APAF1: variants seen among roughly 807,000 people sequenced by gnomAD.
The protein encoded by APAF1 is apoptotic protease-activating factor 1.
A neutral mutation model predicts 152.4 loss-of-function variants in APAF1; 91 were observed. The observed-to-expected ratio is 0.60, with a 90% CI of 0.50 to 0.71. APAF1 has a LOEUF of 0.71. Ranked by LOEUF, APAF1 falls within the 30% of genes least tolerant of loss-of-function variation. The pLI is 0.00. For synonymous variants in APAF1, 484 were observed against 494.1 expected, an observed-to-expected ratio of 0.98 and a Z score of 0.27; for missense variants, 1,283 against 1,472.0, an observed-to-expected ratio of 0.87 and a Z score of 2.10.
intron 10 of APAF1, among the ~76,000 whole-genome samples, chr12:98,669,982 C>T (rs2097678029): frequency 6.6e-6 from 1 of 151,550 alleles, no homozygotes; most frequent in African/African-American, 2.4e-5. Flanking sequence ...CTCTGTTGCC[C>T]AGGCTGGAGT....
At chr12:98,662,083 C>T (rs2097666100) in intron 5 of APAF1, among the ~76,000 whole-genome samples, 1 of 148,610 alleles carries the variant, frequency 6.7e-6, no homozygotes, top group African/African-American at 2.5e-5. Flanking sequence ...GAGCTCAGTT[C>T]TAGTTTGGTT....
chr12:98,666,921 A>T (rs1157742106), intron 9 of APAF1, among the ~76,000 whole-genome samples: 1 of 152,028 alleles, frequency 6.6e-6, no homozygotes, highest in Admixed American at 6.6e-5. Context: ...CCTGGGCTCA[A>T]GTGATCCACC....
At chr12:98,703,715 CAG>C (rs1321686498) in intron 18 of APAF1, among the ~76,000 whole-genome samples, 1 of 152,232 alleles carries the variant, frequency 6.6e-6, no homozygotes, top group African/African-American at 2.4e-5. Context: ...GACAGTATGA[CAG>C]GGAATTCAGC....
intron 22 of APAF1, among the ~76,000 whole-genome samples, chr12:98,722,204 C>G (rs1297594974): frequency 2.6e-5 from 4 of 152,180 alleles, no homozygotes; most frequent in African/African-American, 7.2e-5. Flanking sequence ...ACACTTTAAA[C>G]CCATTCCTCA....
At chr12:98,719,073 T>C (rs1486466519) in intron 22 of APAF1, among the ~76,000 whole-genome samples, 2 of 152,222 alleles carry the variant, frequency 1.3e-5, no homozygotes. Context: ...TTCTCCTCAC[T>C]GTAGGGTTGT....
chr12:98,713,685 C>T (rs12299716), intron 21 of APAF1, among the ~76,000 whole-genome samples: 3,899 of 152,296 alleles, frequency 0.026, 158 homozygotes, highest in African/African-American at 0.086. Flanking sequence ...TTTTCAAAAA[C>T]CTTGGTTCCT....
chr12:98,723,622 T>TTG lies in APAF1; in HGVS notation c.3205-16_3205-15insGT, dbSNP rs1555222277. 1.1e-5 allele frequency: 16 copies of TTG among 1,491,856 alleles called. No homozygotes were observed. The African/African-American group carries it at 2.2e-4, about 21-fold the overall frequency. The allele number at this position is 1,491,856 out of a possible 1,614,324, so 92.4% of individuals were successfully genotyped here. A position where few individuals can be genotyped will look rare whatever the true frequency, so the allele number is the denominator to read the frequency against. On this transcript the variant is annotated splice_polypyrimidine_tract_variant and intron_variant, in intron 23 of 26. Coordinates refer to ENST00000551964, the MANE Select transcript of APAF1 (RefSeq NM_181861.2). ...TTAAAAGTGTCAACCTCCAAGTGTTTTTTTTTTTTTTTTAAGGTATGGAAT... is the reference window on the plus strand; with the variant it reads ...TTAAAAGTGTCAACCTCCAAGTGTTTTGTTTTTTTTTTTTTAAGGTATGGAAT...
chr12:98,694,995 T>C (rs991022119), intron 16 of APAF1, among the ~76,000 whole-genome samples: 4 of 151,632 alleles, frequency 2.6e-5, no homozygotes, highest in African/African-American at 9.7e-5. Flanking sequence ...ATATCTTTTG[T>C]CTTGAACTGG....
intron 22 of APAF1, among the ~76,000 whole-genome samples, chr12:98,716,954 C>T (rs2097735438): frequency 6.6e-6 from 1 of 152,084 alleles, no homozygotes. Flanking sequence ...TAACCTCTGC[C>T]TCCTGGGTTC....
chr12:98,675,532 G>A (rs1025077156), intron 12 of APAF1, among the ~76,000 whole-genome samples: 2 of 152,170 alleles, frequency 1.3e-5, no homozygotes, highest in East Asian at 3.8e-4. Flanking sequence ...AGATGGTTAT[G>A]TTTGTATTGA....
chr12:98,649,706 A>G (rs1593013432), intron 4 of APAF1, 22 bp downstream of exon 4: 1 of 1,601,758 alleles, frequency 6.2e-7, no homozygotes, highest in Non-Finnish European at 8.5e-7. Flanking sequence ...AGTCCATTTC[A>G]TAGTCTAGTA....
intron 1 of APAF1, among the ~76,000 whole-genome samples, chr12:98,646,132 C>T (rs1239340829): frequency 2.0e-5 from 3 of 152,154 alleles, no homozygotes; most frequent in Admixed American, 6.5e-5. Context: ...TTAAGATTTG[C>T]ATATTTTAGT....
chr12:98,691,553 T>C (rs1447457713), intron 16 of APAF1, among the ~76,000 whole-genome samples: 4 of 152,186 alleles, frequency 2.6e-5, no homozygotes, highest in Non-Finnish European at 5.9e-5. Flanking sequence ...TCATCTTCCC[T>C]GTATTCCCTT....
chr12:98,649,225 G>C, intron 3 of APAF1: 1 of 984,374 alleles, frequency 1.0e-6, no homozygotes, highest in Non-Finnish European at 1.2e-6. Context: ...GGAATGAAAA[G>C]TCAGGAAATA....
intron 10 of APAF1, among the ~76,000 whole-genome samples, chr12:98,669,964 G>A (rs1314699467): frequency 9.1e-5 from 13 of 142,140 alleles, no homozygotes; most frequent in Non-Finnish European, 1.4e-4. Context: ...GATCTCACCA[G>A]GATGTCACTC....
At position 98,708,612 on chromosome 12, in the gene APAF1, A is replaced by G; in HGVS notation, c.2749A>G (p.Asn917Asp). 1 of 1,613,404 alleles carries G rather than the reference A, an allele frequency of 6.2e-7. No individual in the cohort carries two copies. The highest frequency in any genetic ancestry group is 8.5e-7 in the Non-Finnish European group (1 of 1,179,544). The change falls in exon 20 of 27, where the codon AAC becomes GAC. Residue 917 changes from asparagine to aspartate, a missense_variant. Physicochemically the swap from Asn to Asp is conservative, Grantham distance 23. Coordinates refer to ENST00000551964, the MANE Select transcript of APAF1 (RefSeq NM_181861.2). ...CTGGGAGACAAAGAAAGTATGTAAG[A>G]ACTCTGCTGTAATGTTAAAGCAAGA... ...RLWETKKVCK[N>D]SAVMLKQEVD... is the part of the protein sequence containing the mutation.
chr12:98,670,068 C>T lies in APAF1; in HGVS notation c.1495-905C>T, dbSNP rs570669591. ...CAGGTGATCCTTCCACCTCAGCCTC[C>T]TGAGTAGCTGGGAGCACGGGTGTGC... On this transcript the variant is annotated intron_variant, in intron 10 of 26. Transcript: ENST00000551964. Among the ~76,000 whole-genome samples, 17 of 152,236 alleles carry T rather than the reference C, an allele frequency of 1.1e-4. No individual in the cohort carries two copies. In the South Asian group the frequency reaches 2.1e-3, roughly 19 times the overall value.
chr12:98,707,792 G>C (rs2097723312), intron 19 of APAF1, among the ~76,000 whole-genome samples: 1 of 151,768 alleles, frequency 6.6e-6, no homozygotes, highest in South Asian at 2.1e-4. Flanking sequence ...AAGGTCATTG[G>C]TTCTTAACAT....
At chr12:98,722,694 C>A (rs1281828481) in intron 22 of APAF1, among the ~76,000 whole-genome samples, 1 of 152,072 alleles carries the variant, frequency 6.6e-6, no homozygotes, top group Non-Finnish European at 1.5e-5. Flanking sequence ...TTGAGGATTG[C>A]GATGGGGGAT....
Sources: allele counts gnomAD v4.1 joint callset (sites outside exome capture counted in the v4.1 genomes callset), GRCh38; gene constraint gnomAD v4.1.1; transcripts MANE v1.5; gene names NCBI Gene and HGNC (gene_info 2026-07-23, HGNC 2026-07-21).